LMNB1: variants seen among roughly 807,000 people sequenced by gnomAD.
LMNB1 encodes the protein lamin B1, also known as lamin-B1.
Under a neutral mutation model 67.1 loss-of-function variants are expected in LMNB1, and 23 were observed. The ratio of observed to expected loss-of-function variants is 0.34; its 90% CI spans 0.25 to 0.49. The LOEUF (loss-of-function observed/expected upper bound fraction) is 0.49. LMNB1 is among the 20% of genes least tolerant of loss of function. The pLI is 0.99. For synonymous variants in LMNB1, 281 were observed against 282.9 expected, an observed-to-expected ratio of 0.99 and a Z score of 0.07; for missense variants, 634 against 746.5, an observed-to-expected ratio of 0.85 and a Z score of 1.76.
intron 9 of LMNB1, among the ~76,000 whole-genome samples, chr5:126,832,404 A>G (rs951237240): frequency 6.6e-6 from 1 of 151,736 alleles, no homozygotes; most frequent in Admixed American, 6.6e-5. Flanking sequence ...AATGCAAGCC[A>G]TTCTTCTGCC....
chr5:126,810,108 G>A (rs1751546783), intron 3 of LMNB1, 72 bp from the exon 4 acceptor site: 1 of 1,376,284 alleles, frequency 7.3e-7, no homozygotes, highest in South Asian at 1.4e-5. Flanking sequence ...AGATGGCTGT[G>A]ATGTCACTCA....
At chr5:126,796,403 A>G (rs1751094120) in intron 1 of LMNB1, among the ~76,000 whole-genome samples, 1 of 152,172 alleles carries the variant, frequency 6.6e-6, no homozygotes. Context: ...GCAGAGGCCA[A>G]GCAAAGTTCA....
intron 1 of LMNB1, among the ~76,000 whole-genome samples, chr5:126,800,982 A>ATATATATATAATTTTTTTTTT: frequency 2.7e-4 from 5 of 18,636 alleles, no homozygotes; most frequent in Non-Finnish European, 4.2e-4. Context: ...TATATATATA[A>ATATATATATAATTTTTTTTTT]TTTTTTTTTT....
Position 126,777,470 on chromosome 5 carries a change from G to A in LMNB1, c.-39G>A, listed in dbSNP as rs1203735637. 2.3e-6 allele frequency: 3 copies of A among 1,296,800 alleles called. No homozygotes were observed. Among genetic ancestry groups the A allele is most frequent in the Non-Finnish European group, 1.9e-6 (2 of 1,026,702 alleles). 80.3% of individuals were successfully genotyped at this position (1,296,800 alleles called of 1,614,324 possible). On this transcript the variant is annotated 5_prime_UTR_variant, in exon 1 of 11. Coordinates refer to ENST00000261366, the MANE Select transcript of LMNB1 (RefSeq NM_005573.4). ...GCCGTCCCCTCCTTATCACGGTCCC[G>A]CTCGCGGCCTCGCCGCCCCGCTGTC...
At chr5:126,777,937 C>G (rs929947445) in intron 1 of LMNB1, 70 bp downstream of exon 1, 1 of 1,351,692 alleles carries the variant, frequency 7.4e-7, no homozygotes, top group Non-Finnish European at 9.6e-7. Context: ...ACCAGCTCAC[C>G]GGGTTCTGCC....
chr5:126,796,946 G>C (rs1405671800), intron 1 of LMNB1, among the ~76,000 whole-genome samples: 1 of 151,984 alleles, frequency 6.6e-6, no homozygotes, highest in African/African-American at 2.4e-5. Flanking sequence ...GGACCACCAT[G>C]TCCGGCTAAT....
At chr5:126,811,720 C>T (rs1751581932) in intron 4 of LMNB1, 53 bp from the exon 5 acceptor site, 7 of 1,525,342 alleles carry the variant, frequency 4.6e-6, no homozygotes, top group Non-Finnish European at 4.5e-6. Flanking sequence ...ATCATGCTTC[C>T]TTTTTTGTTT....
At chr5:126,799,008 A>G (rs897455444) in intron 1 of LMNB1, among the ~76,000 whole-genome samples, 1 of 149,832 alleles carries the variant, frequency 6.7e-6, no homozygotes, top group South Asian at 2.1e-4. Flanking sequence ...TAGCCACTTC[A>G]TGATGCATTG....
intron 9 of LMNB1, among the ~76,000 whole-genome samples, chr5:126,829,533 C>T (rs1056452974): frequency 9.9e-5 from 15 of 151,490 alleles, no homozygotes; most frequent in African/African-American, 3.4e-4. Context: ...GTATTCATAC[C>T]ACTTTCTCTC....
At chr5:126,800,982 A>ATTTT (rs57114367) in intron 1 of LMNB1, among the ~76,000 whole-genome samples, 1 of 18,632 alleles carries the variant, frequency 5.4e-5, no homozygotes, top group African/African-American at 1.7e-4. Flanking sequence ...TATATATATA[A>ATTTT]TTTTTTTTTT....
rs1227557021 is a variant in LMNB1 at position 126,777,688 on chromosome 5, G to C, written c.180G>C (p.Leu60=). ...VRSLETENSA[L]QLQVTEREEV... Reference sequence around the variant, plus strand: ...GCCTGGAGACGGAGAACAGCGCGCTGCAGCTGCAGGTGACGGAGCGCGAGG... The same window carrying C: ...GCCTGGAGACGGAGAACAGCGCGCTCCAGCTGCAGGTGACGGAGCGCGAGG... Residue 60 remains leucine, a synonymous_variant, in exon 1 of 11, where the codon CTG becomes CTC. Transcript: ENST00000261366. The C allele has an allele frequency of 2.6e-6, 4 of 1,545,506 alleles. 1 individual carries two copies. The South Asian group carries it at 4.8e-5, about 18-fold the overall frequency.
intron 1 of LMNB1, among the ~76,000 whole-genome samples, chr5:126,790,636 C>A (rs1332489217): frequency 6.6e-6 from 1 of 151,894 alleles, no homozygotes; most frequent in East Asian, 1.9e-4. Flanking sequence ...CATTTAGGAT[C>A]ATTTTTAAAT....
intron 3 of LMNB1, among the ~76,000 whole-genome samples, chr5:126,807,228 C>T (rs1039282586): frequency 6.6e-6 from 1 of 152,146 alleles, no homozygotes; most frequent in East Asian, 1.9e-4. Context: ...GAAATCAACT[C>T]ATGGGGGAGA....
intron 1 of LMNB1, among the ~76,000 whole-genome samples, chr5:126,778,085 CGTGA>C (rs1273739129): frequency 6.6e-6 from 1 of 152,146 alleles, no homozygotes; most frequent in Non-Finnish European, 1.5e-5. Context: ...GCTGGGGGGC[CGTGA>C]TGCCCATTTC....
At chr5:126,817,869 T>C (rs1751752439) in intron 5 of LMNB1, among the ~76,000 whole-genome samples, 1 of 152,186 alleles carries the variant, frequency 6.6e-6, no homozygotes, top group Non-Finnish European at 1.5e-5. Flanking sequence ...CCATCAGTCT[T>C]TTTGAGTTGT....
At chr5:126,816,682 G>GT (rs1345838757) in intron 5 of LMNB1, among the ~76,000 whole-genome samples, 3 of 152,162 alleles carry the variant, frequency 2.0e-5, no homozygotes, top group Non-Finnish European at 4.4e-5. Context: ...GGCTTTCCTT[G>GT]TTTTTTATGA....
intron 9 of LMNB1, among the ~76,000 whole-genome samples, chr5:126,832,216 C>T (rs927119997): frequency 2.0e-5 from 3 of 152,070 alleles, no homozygotes; most frequent in Admixed American, 6.5e-5. Flanking sequence ...TTCAGTGAAC[C>T]GAGGTCATGC....
intron 9 of LMNB1, among the ~76,000 whole-genome samples, chr5:126,828,574 C>T (rs1377081753): frequency 1.4e-5 from 2 of 142,774 alleles, no homozygotes; most frequent in Non-Finnish European, 3.1e-5. Flanking sequence ...GTTGGTTGGT[C>T]CATTCTTTTT....
At chr5:126,832,869 T>C in intron 10 of LMNB1, 68 bp downstream of exon 10, 1 of 1,119,924 alleles carries the variant, frequency 8.9e-7, no homozygotes, top group Non-Finnish European at 1.2e-6. Context: ...AGACCAAGAG[T>C]GTGGTTGGGT....
Sources: allele counts gnomAD v4.1 joint callset (sites outside exome capture counted in the v4.1 genomes callset), GRCh38; gene constraint gnomAD v4.1.1; transcripts MANE v1.5; gene names NCBI Gene and HGNC (gene_info 2026-07-23, HGNC 2026-07-21).